Variants in ITPR2 observed in about 807,000 individuals in gnomAD.
The protein encoded by ITPR2 is inositol 1,4,5-trisphosphate-gated calcium channel ITPR2.
A neutral mutation model predicts 317.1 loss-of-function variants in ITPR2; 207 were observed. The ratio of observed to expected loss-of-function variants is 0.65; its 90% CI spans 0.58 to 0.73. The LOEUF (loss-of-function observed/expected upper bound fraction) is 0.73. ITPR2 is among the 30% of genes least tolerant of loss of function. The pLI, the probability that ITPR2 is intolerant of heterozygous loss-of-function variation, is 0.00. For missense variants in ITPR2, 2,613 were observed against 3,284.0 expected, an observed-to-expected ratio of 0.80 and a Z score of 4.99; for synonymous variants, 1,156 against 1,149.1, an observed-to-expected ratio of 1.01 and a Z score of -0.12.
At chr12:26,625,684 T>C (rs568470776) in intron 23 of ITPR2, among the ~76,000 whole-genome samples, 1 of 152,334 alleles carries the variant, frequency 6.6e-6, no homozygotes, top group South Asian at 2.1e-4. Flanking sequence ...AGATCATATA[T>C]ACATACATAT....
At chr12:26,762,372 T>G (rs983016393) in intron 2 of ITPR2, among the ~76,000 whole-genome samples, 17 of 152,258 alleles carry the variant, frequency 1.1e-4, no homozygotes, top group African/African-American at 3.9e-4. Context: ...AAAACTTACA[T>G]AAGACTATCA....
At chr12:26,586,261 C>T (rs1333239793) in intron 32 of ITPR2, among the ~76,000 whole-genome samples, 5 of 152,006 alleles carry the variant, frequency 3.3e-5, no homozygotes, top group Admixed American at 2.0e-4. Flanking sequence ...CCTCTTCCCT[C>T]GGTGTCCCTA....
At chr12:26,615,333 G>T (rs1023159529) in intron 26 of ITPR2, among the ~76,000 whole-genome samples, 2 of 151,810 alleles carry the variant, frequency 1.3e-5, no homozygotes, top group Non-Finnish European at 1.5e-5. Context: ...TCAAATTTCA[G>T]GTTTGAAAAA....
chr12:26,415,229 A>G (rs1461713152), intron 51 of ITPR2, 74 bp downstream of exon 51: 2 of 951,280 alleles, frequency 2.1e-6, no homozygotes, highest in African/African-American at 1.7e-5. Context: ...GTGTTTATCT[A>G]TGATCCTGTT....
At chr12:26,516,285 G>GGGAAGGGAAGGGAAAGGAAA (rs1943504560) in intron 37 of ITPR2, among the ~76,000 whole-genome samples, 3 of 42,836 alleles carry the variant, frequency 7.0e-5, no homozygotes, top group African/African-American at 2.4e-4. Flanking sequence ...GGGAAGGGAA[G>GGGAAGGGAAGGGAAAGGAAA]GGAAAGGAAA....
chr12:26,494,132 C>T (rs772173194), intron 39 of ITPR2, 21 bp downstream of exon 39: 15 of 1,575,852 alleles, frequency 9.5e-6, no homozygotes, highest in Non-Finnish European at 1.2e-5. Context: ...AATGTAATCC[C>T]CATGATTGAT....
chr12:26,677,599 C>CA (rs5797190), intron 13 of ITPR2, among the ~76,000 whole-genome samples: 20,084 of 149,708 alleles, frequency 0.13, 1,697 homozygotes, highest in Non-Finnish European at 0.19. Flanking sequence ...GACCCTCTCT[C>CA]AAAAAAAAAT....
chr12:26,649,984 T>C (rs1301046806), intron 21 of ITPR2, among the ~76,000 whole-genome samples: 1 of 152,208 alleles, frequency 6.6e-6, no homozygotes, highest in Non-Finnish European at 1.5e-5. Context: ...TCTTGTTCAT[T>C]ACTTATTACC....
intron 45 of ITPR2, among the ~76,000 whole-genome samples, chr12:26,474,461 G>A (rs1942363365): frequency 6.6e-6 from 1 of 152,114 alleles, no homozygotes; most frequent in African/African-American, 2.4e-5. Context: ...GTACTCATCA[G>A]GCACCTGTTT....
At position 26,479,318 on chromosome 12, in the gene ITPR2, C is replaced by A. The variant is rs567144164; in HGVS notation, c.6123+1813G>T. Among the ~76,000 whole-genome samples, 368 of 151,768 alleles carry A rather than the reference C, an allele frequency of 2.4e-3. 2 individuals carry two copies. The highest frequency in any genetic ancestry group is 8.6e-3 in the African/African-American group (357 of 41,430). On this transcript the variant is annotated intron_variant, in intron 43 of 56. Transcript: ENST00000381340. ...TTTTCATTTGAATAGTTAATAATAT[C>A]TTTGTGCTGTTAAGTGATGCCCTCT...
chr12:26,343,969 T>C (rs1489808686), intron 55 of ITPR2, among the ~76,000 whole-genome samples: 1 of 152,204 alleles, frequency 6.6e-6, no homozygotes, highest in Non-Finnish European at 1.5e-5. Context: ...GTAACAGTAT[T>C]AAGATGTGCG....
At chr12:26,722,865 T>C (rs1454363059) in intron 4 of ITPR2, among the ~76,000 whole-genome samples, 4 of 152,180 alleles carry the variant, frequency 2.6e-5, no homozygotes, top group East Asian at 1.9e-4. Flanking sequence ...AAAGGAGACC[T>C]TGAGTTTCCC....
intron 45 of ITPR2, among the ~76,000 whole-genome samples, chr12:26,449,216 G>A (rs1219617284): frequency 6.6e-6 from 1 of 152,010 alleles, no homozygotes; most frequent in African/African-American, 2.4e-5. Context: ...ATCGCAAAGT[G>A]AGCTGGAGCC....
intron 55 of ITPR2, among the ~76,000 whole-genome samples, chr12:26,377,439 T>G (rs1939378888): frequency 6.6e-6 from 1 of 152,346 alleles, no homozygotes; most frequent in East Asian, 1.9e-4. Flanking sequence ...TTCATTGTCC[T>G]GCATTTTCAA....
chr12:26,652,196 T>C (rs1391903704), intron 21 of ITPR2, among the ~76,000 whole-genome samples: 2 of 152,220 alleles, frequency 1.3e-5, no homozygotes, highest in Non-Finnish European at 2.9e-5. Context: ...AAGCTTGCAA[T>C]GGGAGCTCAC....
chr12:26,624,369 A>C lies in ITPR2; in HGVS notation c.3065-13T>G. 6.3e-7 allele frequency: 1 copy of C among 1,592,664 alleles called. No homozygotes were observed. Among genetic ancestry groups the C allele is most frequent in the Non-Finnish European group, 8.6e-7 (1 of 1,164,610 alleles). On this transcript the variant is annotated splice_polypyrimidine_tract_variant and intron_variant, in intron 23 of 56. Coordinates refer to ENST00000381340, the MANE Select transcript of ITPR2 (RefSeq NM_002223.4). ...TCAGGAACAATAGCTGCAAAGATAA[A>C]TGGTAAAATCTCTTCTTTATCCTAT...
In ITPR2 at chr12:26,436,416, A is replaced by G. The variant is rs561398895; in HGVS notation, c.6644-70T>C. 37 of 1,403,780 alleles carry G rather than the reference A, an allele frequency of 2.6e-5. 1 individual carries two copies. The South Asian group carries it at 4.1e-4, about 15-fold the overall frequency. The allele number at this position is 1,403,780 out of a possible 1,614,324, so 87.0% of individuals were successfully genotyped here. A position where few individuals can be genotyped will look rare whatever the true frequency, so the allele number is the denominator to read the frequency against. ...TTGGTTTCAACACATGAAGCTTACC[A>G]AAACAATATTTTACTAAATGCATCA... On this transcript the variant is annotated intron_variant, in intron 47 of 56. Transcript: ENST00000381340.
At chr12:26,718,517 A>AT (rs60458664) in intron 5 of ITPR2, among the ~76,000 whole-genome samples, 14,004 of 149,578 alleles carry the variant, frequency 0.094, 1,724 homozygotes, top group African/African-American at 0.29. Context: ...ATATATATAT[A>AT]AGGTTTTAAA....
At chr12:26,719,533 G>A (rs1948797338) in intron 5 of ITPR2, among the ~76,000 whole-genome samples, 1 of 151,976 alleles carries the variant, frequency 6.6e-6, no homozygotes, top group African/African-American at 2.4e-5. Context: ...GTGGCACCTG[G>A]TATGGTGAAA....
Sources: gnomAD v4.1 joint callset for allele counts (sites outside exome capture counted in the v4.1 genomes callset) on GRCh38, gnomAD v4.1.1 for gene constraint, MANE v1.5 for transcripts, NCBI Gene and HGNC (gene_info 2026-07-23, HGNC 2026-07-21) for gene names.